Variants in YEATS2 observed in about 807,000 individuals in gnomAD.
YEATS2 encodes YEATS domain-containing protein 2.
YEATS2 carries 77 observed loss-of-function variants against 163.2 expected under a neutral mutation model. The ratio of observed to expected loss-of-function variants is 0.47; its 90% CI spans 0.39 to 0.57. The LOEUF (loss-of-function observed/expected upper bound fraction) is 0.57, where lower values mean the gene tolerates loss of function less well. Ranked by LOEUF, YEATS2 falls within the 20% of genes least tolerant of loss-of-function variation. YEATS2 has a pLI of 0.00. For synonymous variants in YEATS2, 631 were observed against 645.1 expected, an observed-to-expected ratio of 0.98 and a Z score of 0.33; for missense variants, 1,549 against 1,729.8, an observed-to-expected ratio of 0.90 and a Z score of 1.85.
intron 1 of YEATS2, among the ~76,000 whole-genome samples, chr3:183,702,513 A>G (rs933733301): frequency 2.6e-5 from 4 of 152,060 alleles, no homozygotes; most frequent in African/African-American, 4.8e-5. Flanking sequence ...ATTCTTCCAG[A>G]AAAAGAAAGT....
intron 20 of YEATS2, among the ~76,000 whole-genome samples, chr3:183,789,833 C>T (rs914731092): frequency 6.6e-6 from 1 of 152,086 alleles, no homozygotes; most frequent in African/African-American, 2.4e-5. Flanking sequence ...GCCACTGCAC[C>T]TGGCCGCTCT....
intron 18 of YEATS2, among the ~76,000 whole-genome samples, chr3:183,776,512 C>G (rs989120789): frequency 1.3e-5 from 2 of 152,116 alleles, no homozygotes; most frequent in Non-Finnish European, 2.9e-5. Context: ...CCACTGCACT[C>G]CACCCTGGCT....
At chr3:183,725,041 C>CTTTTTTTTTTTTTTTTTTTTTT (rs62826962) in intron 6 of YEATS2, among the ~76,000 whole-genome samples, 19 of 87,498 alleles carry the variant, frequency 2.2e-4, no homozygotes, top group Admixed American at 4.3e-4. Flanking sequence ...CCGTGCCGGC[C>CTTTTTTTTTTTTTTTTTTTTTT]TTTTTTTTTT....
intron 1 of YEATS2, among the ~76,000 whole-genome samples, chr3:183,711,889 G>A (rs1264725234): frequency 2.6e-5 from 4 of 151,302 alleles, no homozygotes; most frequent in Admixed American, 6.6e-5. Flanking sequence ...GCATGATCTC[G>A]GCTCACTGCA....
chr3:183,790,562 C>G (rs1362262313), intron 20 of YEATS2, among the ~76,000 whole-genome samples: 1 of 152,002 alleles, frequency 6.6e-6, no homozygotes, highest in Non-Finnish European at 1.5e-5. Context: ...TATGATGACC[C>G]CCATGATACT....
intron 1 of YEATS2, 24 bp from the exon 2 acceptor site, chr3:183,715,117 AATT>A: frequency 6.9e-7 from 1 of 1,444,376 alleles, no homozygotes; most frequent in Non-Finnish European, 9.6e-7. Context: ...AATAATTAAA[AATT>A]ATTAATTTAT....
chr3:183,721,477 T>A (rs191684485), intron 4 of YEATS2, among the ~76,000 whole-genome samples: 50 of 152,324 alleles, frequency 3.3e-4, no homozygotes, highest in African/African-American at 1.2e-3. Flanking sequence ...TCTATTACAT[T>A]TTACTCTTAT....
intron 19 of YEATS2, among the ~76,000 whole-genome samples, chr3:183,780,927 G>A (rs1032633004): frequency 6.6e-6 from 1 of 152,036 alleles, no homozygotes; most frequent in Non-Finnish European, 1.5e-5. Context: ...TTCAAAAGTA[G>A]CATCCAATGT....
chr3:183,778,084 C>T (rs1241408944), intron 19 of YEATS2, among the ~76,000 whole-genome samples: 16 of 146,600 alleles, frequency 1.1e-4, no homozygotes, highest in African/African-American at 2.5e-5. Context: ...TGCACTCCAT[C>T]CTGGGCGACA....
chr3:183,746,509 CTCT>C (rs1197978970), intron 8 of YEATS2, among the ~76,000 whole-genome samples: 4 of 152,160 alleles, frequency 2.6e-5, no homozygotes, highest in Admixed American at 2.0e-4. Context: ...TTTCCAGTTC[CTCT>C]TCTTGTTTTG....
At chr3:183,701,489 C>T (rs1714089541) in intron 1 of YEATS2, among the ~76,000 whole-genome samples, 1 of 152,058 alleles carries the variant, frequency 6.6e-6, no homozygotes, top group Non-Finnish European at 1.5e-5. Flanking sequence ...TGGGCTCAAG[C>T]GAGCCTCCCA....
chr3:183,739,643 C>T (rs376199896), intron 8 of YEATS2, among the ~76,000 whole-genome samples: 3 of 10,356 alleles, frequency 2.9e-4, no homozygotes. Context: ...GAGCCCGCAT[C>T]GCCAAGTCAA....
intron 8 of YEATS2, among the ~76,000 whole-genome samples, chr3:183,744,884 T>C (rs1719360038): frequency 1.3e-5 from 2 of 152,118 alleles, no homozygotes; most frequent in Non-Finnish European, 2.9e-5. Context: ...AGAATCTCAC[T>C]CTGTCACCCA....
chr3:183,733,422 A>G (rs1445669306), intron 7 of YEATS2, among the ~76,000 whole-genome samples: 1 of 152,118 alleles, frequency 6.6e-6, no homozygotes, highest in Non-Finnish European at 1.5e-5. Context: ...TTCAGGTTGT[A>G]TTCTTTGGTA....
chr3:183,706,744 A>T (rs924985784), intron 1 of YEATS2, among the ~76,000 whole-genome samples: 1 of 152,154 alleles, frequency 6.6e-6, no homozygotes, highest in Admixed American at 6.5e-5. Flanking sequence ...TGAACCCGGG[A>T]GGCGGAGGTT....
intron 12 of YEATS2, among the ~76,000 whole-genome samples, chr3:183,758,510 A>T (rs1720999994): frequency 6.6e-6 from 1 of 152,194 alleles, no homozygotes; most frequent in African/African-American, 2.4e-5. Context: ...GAGGAGTAGA[A>T]CATACAAGTA....
At position 183,752,324 on chromosome 3, in the gene YEATS2, C is replaced by T. The variant is rs1046315704; in HGVS notation, c.1150+71C>T. The T allele has an allele frequency of 4.5e-6, 7 of 1,564,958 alleles. No individual in the cohort carries two copies. In the African/African-American group the frequency reaches 9.5e-5, roughly 21 times the overall value. On this transcript the variant is annotated intron_variant, in intron 10 of 30. Transcript: ENST00000305135. ...TTTCCCATTTGCTGCTTTCAGAGAC[C>T]TATAGTATATGGAAAATAACTTTGC... is the stretch of plus-strand genomic sequence containing the variant.
intron 6 of YEATS2, among the ~76,000 whole-genome samples, 183 bp from the exon 7 acceptor site, chr3:183,728,507 T>G (rs1717368178): frequency 6.6e-6 from 1 of 152,172 alleles, no homozygotes; most frequent in African/African-American, 2.4e-5. Flanking sequence ...CCCAGCTATG[T>G]TTTAGAAAGA....
At chr3:183,733,845 CT>C (rs574799432) in intron 7 of YEATS2, among the ~76,000 whole-genome samples, 169 of 144,888 alleles carry the variant, frequency 1.2e-3, no homozygotes, top group African/African-American at 2.9e-3. Context: ...GTGAACTTTG[CT>C]TTTTTTTTTT....
Sources: gnomAD v4.1 joint callset for allele counts (sites outside exome capture counted in the v4.1 genomes callset) on GRCh38, gnomAD v4.1.1 for gene constraint, MANE v1.5 for transcripts, NCBI Gene and HGNC (gene_info 2026-07-23, HGNC 2026-07-21) for gene names.